ESR1: variants seen among roughly 807,000 people sequenced by gnomAD.
The protein encoded by ESR1 is estrogen receptor.
A neutral mutation model predicts 52.7 loss-of-function variants in ESR1; 12 were observed. That is an observed-to-expected ratio of 0.23 (90% CI 0.15 to 0.37). The LOEUF (loss-of-function observed/expected upper bound fraction) is 0.37, where lower values mean the gene tolerates loss of function less well. Among genes scored for constraint, ESR1 ranks in the 10% least tolerant of loss-of-function variants. The probability of loss-of-function intolerance (pLI) is 1.00; values close to 1 mark genes in which losing one functional copy is unlikely to be tolerated. For synonymous variants in ESR1, 305 were observed against 316.8 expected (o/e 0.96, Z 0.39); for missense variants, 584 against 779.7 (o/e 0.75, Z 2.99).
chr6:151,734,117 T>C (rs563496361), intron 2 of ESR1, among the ~76,000 whole-genome samples: 71 of 152,260 alleles, frequency 4.7e-4, no homozygotes, highest in Non-Finnish European at 5.4e-4. Flanking sequence ...TAATTGGCTG[T>C]AGGATTGAAG....
rs148619669 is a variant in ESR1, at chr6:152,003,887, T to C, written c.1097-7769T>C. Among the ~76,000 whole-genome samples the C allele has an allele frequency of 2.3e-4, 35 of 152,148 alleles. No homozygotes were observed. The East Asian group carries it at 5.0e-3, about 22-fold the overall frequency. Reference sequence around the variant, plus strand: ...TATCCAGCTTTTGAAAAAATATACATATTTAGCCATTAAAAGGTATGTGGT... The same window carrying C: ...TATCCAGCTTTTGAAAAAATATACACATTTAGCCATTAAAAGGTATGTGGT... On this transcript the variant is annotated intron_variant, in intron 4 of 7. Coordinates refer to ENST00000206249, the MANE Select transcript of ESR1 (RefSeq NM_000125.4).
chr6:151,901,091 A>G (rs1796600465), intron 3 of ESR1, among the ~76,000 whole-genome samples: 1 of 152,180 alleles, frequency 6.6e-6, no homozygotes, highest in South Asian at 2.1e-4. Flanking sequence ...GTCTGAGCTC[A>G]GACTCTCCTC....
chr6:152,129,368 C>A (rs773449789), exon 7 of ESR1: 4 of 152,212 alleles, frequency 2.6e-5, no homozygotes, highest in Non-Finnish European at 5.9e-5. Context: ...TTCTTCATCT[C>A]TGTTCATGGT....
At chr6:151,744,168 AT>A (rs1783312787) in intron 2 of ESR1, among the ~76,000 whole-genome samples, 1 of 152,090 alleles carries the variant, frequency 6.6e-6, no homozygotes, top group Non-Finnish European at 1.5e-5. Flanking sequence ...ACACAACTGG[AT>A]TTCCACTTTT....
intron 6 of ESR1, among the ~76,000 whole-genome samples, chr6:152,124,666 C>A (rs1465861140): frequency 1.3e-5 from 2 of 148,342 alleles, no homozygotes; most frequent in African/African-American, 2.5e-5. Context: ...TGTGCTAAGA[C>A]CAATGAGTTA....
chr6:152,120,588 G>T (rs1298152711), intron 6 of ESR1, among the ~76,000 whole-genome samples: 1 of 152,144 alleles, frequency 6.6e-6, no homozygotes, highest in African/African-American at 2.4e-5. Context: ...TCAAGAAGGA[G>T]GTGGCTTGTG....
chr6:152,067,972 A>G (rs1195314633), intron 6 of ESR1, among the ~76,000 whole-genome samples: 1 of 152,274 alleles, frequency 6.6e-6, no homozygotes, highest in Non-Finnish European at 1.5e-5. Context: ...ATAAACTGCA[A>G]ATGTTTATAG....
chr6:152,094,357 C>T lies in ESR1; in HGVS notation c.1370-28C>T, dbSNP rs369243301. ...TAGACCTCATCCTCTTTGAGCTTCT[C>T]TCTCTCACTCTCTCTCTGCGCATTC... is the stretch of plus-strand genomic sequence containing the variant. On this transcript the variant is annotated intron_variant, in intron 6 of 7. Coordinates refer to ENST00000206249, the MANE Select transcript of ESR1 (RefSeq NM_000125.4). This position sits in a 1 kb window ranked among gnomAD's most constrained non-coding sequence, Gnocchi z 4.6. 1.6e-5 allele frequency: 25 copies of T among 1,606,714 alleles called. No individual in the cohort carries two copies. Among genetic ancestry groups the T allele is most frequent in the Admixed American group, 3.3e-5 (2 of 60,000 alleles).
chr6:151,693,621 T>C (rs746234196), intron 1 of ESR1, among the ~76,000 whole-genome samples: 13 of 152,152 alleles, frequency 8.5e-5, no homozygotes, highest in Non-Finnish European at 1.6e-4. Context: ...TAGAGCTCTA[T>C]GCTGATTTTT....
chr6:152,049,168 A>G (rs2046468078), intron 5 of ESR1, among the ~76,000 whole-genome samples: 1 of 152,232 alleles, frequency 6.6e-6, no homozygotes, highest in Non-Finnish European at 1.5e-5. Flanking sequence ...CTATAGAAGT[A>G]TAGAATTCCA....
chr6:152,111,092 C>A (rs1300015205), intron 6 of ESR1, among the ~76,000 whole-genome samples: 2 of 152,174 alleles, frequency 1.3e-5, no homozygotes, highest in East Asian at 3.9e-4. Flanking sequence ...CCTGTCTCAG[C>A]CTCTGACAGT....
chr6:151,874,884 G>T (rs1477871879), intron 2 of ESR1, among the ~76,000 whole-genome samples: 2 of 152,170 alleles, frequency 1.3e-5, no homozygotes, highest in Middle Eastern at 3.4e-3. Context: ...TAAAATCTTG[G>T]AATAGAAATT....
intron 1 of ESR1, among the ~76,000 whole-genome samples, chr6:151,675,056 A>C (rs1010333069): frequency 2.6e-5 from 4 of 152,230 alleles, no homozygotes; most frequent in African/African-American, 9.6e-5. Flanking sequence ...AAAATATATA[A>C]TATGGAGTTG....
intron 5 of ESR1, among the ~76,000 whole-genome samples, chr6:152,032,903 A>G (rs1403356106): frequency 6.6e-6 from 1 of 152,254 alleles, no homozygotes; most frequent in Non-Finnish European, 1.5e-5. Flanking sequence ...CTACAAGGCC[A>G]CAGTAACGAA....
chr6:151,674,775 TC>T, intron 1 of ESR1, among the ~76,000 whole-genome samples: 1 of 152,348 alleles, frequency 6.6e-6, no homozygotes, highest in Admixed American at 6.5e-5. Flanking sequence ...GGAAATTGCA[TC>T]ATTTTCCACT....
chr6:151,821,959 G>A (rs1463678893), intron 1 of ESR1, among the ~76,000 whole-genome samples: 1 of 152,166 alleles, frequency 6.6e-6, no homozygotes, highest in Non-Finnish European at 1.5e-5. Flanking sequence ...CCCGTTACAT[G>A]TGTTAAAGAA....
chr6:152,011,509 T>A, intron 4 of ESR1, 147 bp from the exon 5 acceptor site: 2 of 908,732 alleles, frequency 2.2e-6, no homozygotes, highest in Non-Finnish European at 3.5e-6. Flanking sequence ...AAATAATTAC[T>A]TGACTTCACT....
At chr6:152,124,237 C>A (rs754405294) in intron 6 of ESR1, among the ~76,000 whole-genome samples, 1 of 152,096 alleles carries the variant, frequency 6.6e-6, no homozygotes, top group Admixed American at 6.6e-5. Context: ...ACCCGGGAGG[C>A]GGAGGCTGCA....
At chr6:151,991,341 A>G (rs1444220756) in intron 4 of ESR1, among the ~76,000 whole-genome samples, 1 of 151,846 alleles carries the variant, frequency 6.6e-6, no homozygotes. Flanking sequence ...TTTTATTTTT[A>G]TTTTCTTAGA....
Sources: gnomAD v4.1 joint callset for allele counts (sites outside exome capture counted in the v4.1 genomes callset) on GRCh38, gnomAD v4.1.1 for gene constraint, Gnocchi (gnomAD v3.1) non-coding constraint, MANE v1.5 for transcripts, NCBI Gene and HGNC (gene_info 2026-07-23, HGNC 2026-07-21) for gene names.